Variants in MTHFD1L observed in about 807,000 individuals in gnomAD.
The protein encoded by MTHFD1L is monofunctional C1-tetrahydrofolate synthase, mitochondrial.
Under a neutral mutation model 119.5 loss-of-function variants are expected in MTHFD1L, and 81 were observed. That is an observed-to-expected ratio of 0.68 (90% CI 0.57 to 0.82). The LOEUF is 0.82. Among genes scored for constraint, MTHFD1L ranks in the 40% least tolerant of loss-of-function variants. The pLI is 0.00. For synonymous variants in MTHFD1L, 430 were observed against 475.2 expected, an observed-to-expected ratio of 0.90 and a Z score of 1.24; for missense variants, 1,125 against 1,253.4, an observed-to-expected ratio of 0.90 and a Z score of 1.55.
At chr6:150,898,559 C>T (rs912210086) in intron 7 of MTHFD1L, among the ~76,000 whole-genome samples, 3 of 152,168 alleles carry the variant, frequency 2.0e-5, no homozygotes, top group Admixed American at 1.3e-4. Context: ...AATATGAAGA[C>T]GCTGTATGGA....
intron 27 of MTHFD1L, chr6:151,099,807 T>C: frequency 1.9e-6 from 3 of 1,605,528 alleles, no homozygotes; most frequent in Non-Finnish European, 1.7e-6. Flanking sequence ...GCAACAATCG[T>C]ACTTGTGCCG....
rs1562348409 is a variant in MTHFD1L at position 150,903,203 on chromosome 6, A to ATTCTTTTTTTTTTTTTTTTTTT, written c.781-2445_781-2444insCTTTTTTTTTTTTTTTTTTTTT. Among the ~76,000 whole-genome samples, 11 of 85,474 alleles carry ATTCTTTTTTTTTTTTTTTTTTT rather than the reference A, an allele frequency of 1.3e-4. 3 individuals carry two copies. Among genetic ancestry groups the ATTCTTTTTTTTTTTTTTTTTTT allele is most frequent in the African/African-American group, 5.5e-4 (11 of 19,958 alleles). 56.1% of individuals were successfully genotyped at this position (85,474 alleles called of 152,430 possible). On this transcript the variant is annotated intron_variant, in intron 7 of 27. Transcript: ENST00000367321. ...GATTGCTGGTGATATTGGCTGCAAA[A>ATTCTTTTTTTTTTTTTTTTTTT]TTTTTTTTTTTTTTTTTTTTTTTTT... is the stretch of plus-strand genomic sequence containing the variant.
Position 150,971,945 on chromosome 6 carries a change from A to G in MTHFD1L, c.2014-2A>G, listed in dbSNP as rs1277040577. On this transcript the variant is annotated splice_acceptor_variant, in intron 19 of 27. Transcript: ENST00000367321. LOFTEE classifies it high-confidence loss of function. ...TTTTGATTTGCTTTTTCACTTCTCT[A>G]GGGGACACCTGTGTTCGTGCATGCG... 2.5e-6 allele frequency: 4 copies of G among 1,613,492 alleles called. No homozygotes were observed. The South Asian group carries it at 4.4e-5, about 18-fold the overall frequency.
intron 24 of MTHFD1L, among the ~76,000 whole-genome samples, chr6:151,027,300 T>C (rs1387021284): frequency 6.6e-6 from 1 of 152,186 alleles, no homozygotes; most frequent in Non-Finnish European, 1.5e-5. Context: ...TGTGTCTCAT[T>C]GTCCCCAATC....
intron 17 of MTHFD1L, among the ~76,000 whole-genome samples, chr6:150,956,633 C>T (rs899007032): frequency 7.2e-5 from 11 of 151,870 alleles, no homozygotes; most frequent in African/African-American, 2.7e-4. Flanking sequence ...AAATTAATTC[C>T]TATGATTTTT....
At chr6:151,026,324 G>A (rs1267793520) in intron 24 of MTHFD1L, among the ~76,000 whole-genome samples, 1 of 152,198 alleles carries the variant, frequency 6.6e-6, no homozygotes, top group African/African-American at 2.4e-5. Context: ...GCGAGAGACT[G>A]TGCCACCAAT....
rs1285883478 is a variant in MTHFD1L, at chr6:150,871,834, A to G, written c.228-4256A>G. On this transcript the variant is annotated intron_variant, in intron 1 of 27. Transcript: ENST00000367321. ...GTAATCTTATAAATCCTTTGTTGTCATTTTATTTTATTTTAATTTTATTTT... is the reference window on the plus strand; with the variant it reads ...GTAATCTTATAAATCCTTTGTTGTCGTTTTATTTTATTTTAATTTTATTTT... Among the ~76,000 whole-genome samples the G allele has an allele frequency of 4.7e-5, 7 of 147,914 alleles. No homozygotes were observed. The Admixed American group carries it at 4.8e-4, about 10-fold the overall frequency.
intron 20 of MTHFD1L, among the ~76,000 whole-genome samples, chr6:151,005,897 A>G (rs7770982): frequency 0.14 from 20,823 of 152,108 alleles, 1,759 homozygotes; most frequent in African/African-American, 0.24. Flanking sequence ...CCATTGTAGT[A>G]TTGTAAGAAA....
chr6:151,014,138 C>G lies in MTHFD1L; in HGVS notation c.2307+318C>G, dbSNP rs542848057. Among the ~76,000 whole-genome samples, 3 of 152,198 alleles carry G rather than the reference C, an allele frequency of 2.0e-5. No individual in the cohort carries two copies. In the East Asian group the frequency reaches 5.8e-4, roughly 29 times the overall value. Reference sequence around the variant, plus strand: ...ATGAGAATCGCTTGAACCTGGGAGGCAGAGGTTGCAGTGAGCTGCGATCGC... The same window carrying G: ...ATGAGAATCGCTTGAACCTGGGAGGGAGAGGTTGCAGTGAGCTGCGATCGC... On this transcript the variant is annotated intron_variant, in intron 22 of 27. Coordinates refer to ENST00000367321, the MANE Select transcript of MTHFD1L (RefSeq NM_015440.5).
At chr6:150,988,311 GC>G (rs1490100972) in intron 20 of MTHFD1L, among the ~76,000 whole-genome samples, 1 of 152,100 alleles carries the variant, frequency 6.6e-6, no homozygotes, top group Non-Finnish European at 1.5e-5. Context: ...CCCCATCTTA[GC>G]CAAGAGCATT....
At chr6:150,941,330 C>G (rs913878328) in intron 13 of MTHFD1L, among the ~76,000 whole-genome samples, 7 of 152,164 alleles carry the variant, frequency 4.6e-5, no homozygotes, top group African/African-American at 1.7e-4. Context: ...CAGGCGCCAG[C>G]TCTGTCGAGC....
At chr6:151,085,940 G>T (rs1213136429) in intron 26 of MTHFD1L, among the ~76,000 whole-genome samples, 1 of 152,112 alleles carries the variant, frequency 6.6e-6, no homozygotes, top group Non-Finnish European at 1.5e-5. Context: ...TCTTAGCAGG[G>T]ACTGGGTCCT....
chr6:151,000,644 C>G (rs1034200121), intron 20 of MTHFD1L, among the ~76,000 whole-genome samples: 12 of 152,154 alleles, frequency 7.9e-5, no homozygotes, highest in African/African-American at 2.7e-4. Flanking sequence ...ATGATTTATC[C>G]TGGTGTTGTC....
At chr6:151,101,261 A>G (rs1485705604) in intron 27 of MTHFD1L, among the ~76,000 whole-genome samples, 1 of 152,216 alleles carries the variant, frequency 6.6e-6, no homozygotes, top group Non-Finnish European at 1.5e-5. Flanking sequence ...TTCTGCCAGT[A>G]TCCCCAAGTA....
rs113213862 is a variant in MTHFD1L at position 151,099,996 on chromosome 6, T to C, written c.*32-1530T>C. The C allele has an allele frequency of 4.5e-3, 3,169 of 705,440 alleles. 86 individuals carry two copies. In the African/African-American group the frequency reaches 0.05, roughly 11 times the overall value. 43.7% of individuals were successfully genotyped at this position (705,440 alleles called of 1,614,324 possible). A position where few individuals can be genotyped will look rare whatever the true frequency, so the allele number is the denominator to read the frequency against. On this transcript the variant is annotated intron_variant, in intron 27 of 27. Coordinates refer to ENST00000367321, the MANE Select transcript of MTHFD1L (RefSeq NM_015440.5). ...AAAACAGCCATCTGGCATCTTCCTTTAAAAAAAAAGAAAAGAAAGAAATAT... is the reference window on the plus strand; with the variant it reads ...AAAACAGCCATCTGGCATCTTCCTTCAAAAAAAAAGAAAAGAAAGAAATAT...
At chr6:151,088,623 A>ATTTTTTTTTTTTTTTTTTT (rs71014539) in intron 26 of MTHFD1L, among the ~76,000 whole-genome samples, 1 of 128,640 alleles carries the variant, frequency 7.8e-6, no homozygotes. Flanking sequence ...CACCCAGCTA[A>ATTTTTTTTTTTTTTTTTTT]TTTTTTTTTT....
chr6:150,874,215 A>G (rs943198353), intron 1 of MTHFD1L, among the ~76,000 whole-genome samples: 3 of 152,210 alleles, frequency 2.0e-5, no homozygotes, highest in Non-Finnish European at 4.4e-5. Context: ...TTTATTCAGC[A>G]CAATAATACA....
In MTHFD1L at chr6:150,877,794, A is replaced by ATTTGCATCACTCACG; in HGVS notation, c.390_391insATCACTCACGTTTGC (p.Cys130_Leu131insIleThrHisValCys). 6.2e-7 allele frequency: 1 copy of ATTTGCATCACTCACG among 1,614,200 alleles called. No homozygotes were observed. The highest frequency in any genetic ancestry group is 8.5e-7 in the Non-Finnish European group (1 of 1,180,038). On this transcript the variant is annotated inframe_insertion, in exon 4 of 28. Transcript: ENST00000367321. The stretch of plus-strand genomic sequence containing the variant: ...TCAGGCTGGTCTGAACATCACTCAC[A>ATTTGCATCACTCACG]TTTGCCTCCCTCCAGATAGCAGTGA...
intron 20 of MTHFD1L, among the ~76,000 whole-genome samples, chr6:150,989,938 G>A (rs1778825608): frequency 6.6e-6 from 1 of 152,202 alleles, no homozygotes; most frequent in South Asian, 2.1e-4. Context: ...ATTAATCACA[G>A]CATTTGTCTA....
Sources: allele counts gnomAD v4.1 joint callset (sites outside exome capture counted in the v4.1 genomes callset), GRCh38; gene constraint gnomAD v4.1.1; transcripts MANE v1.5; gene names NCBI Gene and HGNC (gene_info 2026-07-23, HGNC 2026-07-21).